TENM2: variants seen among roughly 807,000 people sequenced by gnomAD.
The protein encoded by TENM2 is teneurin-2.
Under a neutral mutation model 245.2 loss-of-function variants are expected in TENM2, and 52 were observed. The observed-to-expected ratio is 0.21, with a 90% CI of 0.17 to 0.27. The LOEUF (loss-of-function observed/expected upper bound fraction) is 0.27, where lower values mean the gene tolerates loss of function less well. TENM2 is among the 10% of genes least tolerant of loss of function. The pLI, the probability that TENM2 is intolerant of heterozygous loss-of-function variation, is 1.00. For synonymous variants in TENM2, 1,363 were observed against 1,438.9 expected (o/e 0.95, Z 1.19); for missense variants, 3,046 against 3,666.8 (o/e 0.83, Z 4.37).
At chr5:167,268,888 A>AGATAGAT in the TENM2 span, among the ~76,000 whole-genome samples, 2 of 148,922 alleles carry the variant, frequency 1.3e-5, no homozygotes, top group African/African-American at 2.5e-5. Flanking sequence ...ATAGATAGAT[A>AGATAGAT]GATAGATAGA....
At chr5:167,597,394 G>A (rs1776298797) in intron 2 of TENM2, among the ~76,000 whole-genome samples, 1 of 151,902 alleles carries the variant, frequency 6.6e-6, no homozygotes. Context: ...CTCAAACTCT[G>A]GACCTCAGGC....
chr5:167,161,654 C>G, the TENM2 span, among the ~76,000 whole-genome samples: 1 of 152,118 alleles, frequency 6.6e-6, no homozygotes, highest in Non-Finnish European at 1.5e-5. Context: ...TGAGAATGGT[C>G]TTAAATGCTG....
chr5:167,255,277 A>G, the TENM2 span, among the ~76,000 whole-genome samples: 12 of 152,076 alleles, frequency 7.9e-5, no homozygotes, highest in Non-Finnish European at 1.8e-4. Context: ...TCTTTGTTGT[A>G]ATGTCTTTTA....
intron 2 of TENM2, among the ~76,000 whole-genome samples, chr5:167,576,537 T>C (rs1774701775): frequency 6.6e-6 from 1 of 152,220 alleles, no homozygotes; most frequent in Admixed American, 6.5e-5. Context: ...TTCTCTTTAG[T>C]CCCTATATAT....
exon 11 of TENM2, chr5:168,124,981 G>A: frequency 6.2e-7 from 1 of 1,611,658 alleles, no homozygotes; most frequent in South Asian, 1.1e-5. Flanking sequence ...CAGTGGGCAT[G>A]GCACGTACCT....
the TENM2 span, among the ~76,000 whole-genome samples, chr5:167,001,543 T>TA: frequency 0.036 from 5,098 of 143,502 alleles, 89 homozygotes; most frequent in African/African-American, 0.052. Context: ...AAAGTGGAAT[T>TA]AAAAAAAAAA....
the TENM2 span, among the ~76,000 whole-genome samples, chr5:167,015,989 T>C: frequency 3.9e-5 from 6 of 152,076 alleles, no homozygotes; most frequent in Admixed American, 3.3e-4. Flanking sequence ...GCACGGTGGC[T>C]CACCCCTGTA....
At chr5:168,174,910 G>T (rs895135747) in intron 13 of TENM2, among the ~76,000 whole-genome samples, 1 of 152,192 alleles carries the variant, frequency 6.6e-6, no homozygotes, top group Non-Finnish European at 1.5e-5. Context: ...GAAGGAGTTT[G>T]CTGGGAGAGA....
intron 3 of TENM2, among the ~76,000 whole-genome samples, chr5:167,950,081 C>T (rs1001412296): frequency 2.0e-5 from 3 of 152,234 alleles, no homozygotes; most frequent in African/African-American, 7.2e-5. Flanking sequence ...TCTTCCCTTA[C>T]TCTTCCTTCT....
intron 2 of TENM2, among the ~76,000 whole-genome samples, chr5:167,777,697 A>G (rs939792766): frequency 1.3e-5 from 2 of 152,246 alleles, no homozygotes; most frequent in African/African-American, 4.8e-5. Context: ...TAAAAATCTT[A>G]GAAGAGCATG....
intron 2 of TENM2, among the ~76,000 whole-genome samples, chr5:167,536,949 G>A (rs754385292): frequency 1.2e-4 from 19 of 152,034 alleles, no homozygotes; most frequent in South Asian, 6.2e-4. Flanking sequence ...GCTTGAACCC[G>A]GGAGGTGGAG....
chr5:167,998,642 A>C (rs1424790983), intron 5 of TENM2, among the ~76,000 whole-genome samples: 3 of 152,152 alleles, frequency 2.0e-5, no homozygotes, highest in African/African-American at 7.2e-5. Context: ...TGTCATCCTA[A>C]ATTAGTTCTT....
At chr5:167,384,986 G>C (rs1262644192) in intron 2 of TENM2, among the ~76,000 whole-genome samples, 1 of 152,196 alleles carries the variant, frequency 6.6e-6, no homozygotes, top group Non-Finnish European at 1.5e-5. Context: ...CCGCAGTACA[G>C]GGAGTGTTCC....
At chr5:167,387,871 C>T (rs969395292) in intron 2 of TENM2, among the ~76,000 whole-genome samples, 3 of 152,268 alleles carry the variant, frequency 2.0e-5, no homozygotes, top group African/African-American at 7.2e-5. Flanking sequence ...ATGAAACCCA[C>T]TGGATCATGG....
chr5:167,776,616 A>AAAAAAAAAAAAAC (rs1561769428), intron 2 of TENM2, among the ~76,000 whole-genome samples: 1 of 98,878 alleles, frequency 1.0e-5, no homozygotes, highest in African/African-American at 4.5e-5. Flanking sequence ...AAAAAAAAAA[A>AAAAAAAAAAAAAC]AAAAAAAAAA....
intron 12 of TENM2, among the ~76,000 whole-genome samples, chr5:168,127,515 A>G (rs1795942306): frequency 1.3e-5 from 2 of 152,190 alleles, no homozygotes; most frequent in Admixed American, 6.5e-5. Flanking sequence ...CCACCTCTCT[A>G]TAAAAGCTTC....
At chr5:167,110,509 A>G in the TENM2 span, among the ~76,000 whole-genome samples, 1 of 152,224 alleles carries the variant, frequency 6.6e-6, no homozygotes, top group Non-Finnish European at 1.5e-5. Context: ...CTAGAACTCA[A>G]TTTAATCTAA....
chr5:167,354,482 C>T (rs1759179346), intron 1 of TENM2, among the ~76,000 whole-genome samples: 1 of 152,024 alleles, frequency 6.6e-6, no homozygotes, highest in African/African-American at 2.4e-5. Context: ...TACAAGCTTT[C>T]CCTTCACCCC....
intron 2 of TENM2, among the ~76,000 whole-genome samples, chr5:167,705,966 T>C (rs1461219198): frequency 1.4e-5 from 1 of 71,340 alleles, no homozygotes; most frequent in African/African-American, 8.1e-5. Context: ...AAGGCTGGGT[T>C]ATATATATAT....
Sources: gnomAD v4.1 joint callset for allele counts (sites outside exome capture counted in the v4.1 genomes callset) on GRCh38, gnomAD v4.1.1 for gene constraint, MANE v1.5 for transcripts, NCBI Gene and HGNC (gene_info 2026-07-23, HGNC 2026-07-21) for gene names.